CNEP1R1: variants seen among roughly 807,000 people sequenced by gnomAD.
The protein encoded by CNEP1R1 is nuclear envelope phosphatase-regulatory subunit 1.
A neutral mutation model predicts 22.7 loss-of-function variants in CNEP1R1; 10 were observed. That is an observed-to-expected ratio of 0.44 (90% CI 0.27 to 0.75). The LOEUF (loss-of-function observed/expected upper bound fraction) is 0.75. Ranked by LOEUF, CNEP1R1 falls within the 30% of genes least tolerant of loss-of-function variation. The pLI is 0.17. For missense variants in CNEP1R1, 73 were observed against 151.5 expected (o/e 0.48, Z 2.72); for synonymous variants, 53 against 50.1 (o/e 1.06, Z -0.25).
chr16:50,035,901 T>C lies in CNEP1R1; in HGVS notation c.*443T>C, dbSNP rs1370015627. The stretch of plus-strand genomic sequence containing the variant: ...TCTGCTTGCCATCCCCACAGCTCTT[T>C]AAAACTGGCTATTATGTGTGCCTTT... On this transcript the variant is annotated 3_prime_UTR_variant, in exon 6 of 6. Coordinates refer to ENST00000427478, the MANE Select transcript of CNEP1R1 (RefSeq NM_001281789.2). 1.3e-5 allele frequency: 2 copies of C among 157,112 alleles called. No homozygotes were observed. Among genetic ancestry groups the C allele is most frequent in the African/African-American group, 4.8e-5 (2 of 41,538 alleles). 9.7% of individuals were successfully genotyped at this position (157,112 alleles called of 1,614,324 possible).
intron 1 of CNEP1R1, 196 bp from the exon 2 acceptor site, chr16:50,026,200 C>T (rs1485988306): frequency 6.3e-6 from 3 of 473,256 alleles, no homozygotes; most frequent in East Asian, 6.1e-5. Flanking sequence ...ATTAAAGAGC[C>T]CTAATTTTTT....
chr16:50,029,871 A>G, intron 3 of CNEP1R1, 73 bp downstream of exon 3: 2 of 868,980 alleles, frequency 2.3e-6, no homozygotes, highest in South Asian at 1.4e-5. Flanking sequence ...TGTTAATGAT[A>G]AAGTATTCAA....
chr16:50,035,545 G>A lies in CNEP1R1; in HGVS notation c.*87G>A, dbSNP rs1275267578. On this transcript the variant is annotated 3_prime_UTR_variant, in exon 6 of 6. Transcript: ENST00000427478. ...AAAGCCATAAAGGATTCCTTTTGCGGTTGGATATGTAAAGGTCATAGCAGC... is the reference window on the plus strand; with the variant it reads ...AAAGCCATAAAGGATTCCTTTTGCGATTGGATATGTAAAGGTCATAGCAGC... 3 of 992,272 alleles carry A rather than the reference G, an allele frequency of 3.0e-6. No homozygotes were observed. Among genetic ancestry groups the A allele is most frequent in the Admixed American group, 2.2e-5 (1 of 44,592 alleles). The allele number at this position is 992,272 out of a possible 1,614,324, so 61.5% of individuals were successfully genotyped here.
At chr16:50,029,486 C>T (rs2036213991) in intron 2 of CNEP1R1, among the ~76,000 whole-genome samples, 1 of 152,164 alleles carries the variant, frequency 6.6e-6, no homozygotes, top group Non-Finnish European at 1.5e-5. Flanking sequence ...TTTCATTGAT[C>T]ATCATAAGTT....
At chr16:50,025,765 C>G in intron 1 of CNEP1R1, 1 of 1,402,496 alleles carries the variant, frequency 7.1e-7, no homozygotes, top group Non-Finnish European at 1.0e-6. Flanking sequence ...GATACCCCAC[C>G]ACTCACTCGG....
chr16:50,031,294 C>T (rs962390054), intron 3 of CNEP1R1, among the ~76,000 whole-genome samples: 3 of 152,208 alleles, frequency 2.0e-5, no homozygotes, highest in Admixed American at 1.3e-4. Flanking sequence ...GTCTCCCTAA[C>T]TTTATCTGCT....
chr16:50,031,363 T>A (rs944873178), intron 3 of CNEP1R1, among the ~76,000 whole-genome samples: 1 of 152,198 alleles, frequency 6.6e-6, no homozygotes, highest in Non-Finnish European at 1.5e-5. Flanking sequence ...GAATTTTATG[T>A]TAATAGAGGA....
At chr16:50,025,658 A>G in intron 1 of CNEP1R1, 1 of 1,613,868 alleles carries the variant, frequency 6.2e-7, no homozygotes, top group Non-Finnish European at 8.5e-7. Context: ...CAGCCCCGCG[A>G]GTTGTATCCC....
intron 2 of CNEP1R1, among the ~76,000 whole-genome samples, chr16:50,028,428 T>C (rs2036205069): frequency 6.6e-6 from 1 of 152,228 alleles, no homozygotes; most frequent in Admixed American, 6.5e-5. Context: ...AAGATTTTTT[T>C]GTATAATTTT....
At chr16:50,035,334 A>G (rs988440142) in intron 5 of CNEP1R1, 83 bp from the exon 6 acceptor site, 19 of 778,856 alleles carry the variant, frequency 2.4e-5, no homozygotes, top group African/African-American at 1.0e-4. Flanking sequence ...TTCCTTGCAC[A>G]TACCCTTTAA....
intron 3 of CNEP1R1, 113 bp downstream of exon 3, chr16:50,029,911 T>C (rs1198886022): frequency 1.0e-5 from 6 of 588,554 alleles, no homozygotes; most frequent in Admixed American, 6.8e-5. Flanking sequence ...ACTAGTGATA[T>C]TGTCATATTA....
chr16:50,030,448 A>T (rs2036221734), intron 3 of CNEP1R1, among the ~76,000 whole-genome samples: 1 of 152,174 alleles, frequency 6.6e-6, no homozygotes, highest in Non-Finnish European at 1.5e-5. Flanking sequence ...AAAAAGAGGG[A>T]GAGAAAAAAA....
intron 3 of CNEP1R1, among the ~76,000 whole-genome samples, chr16:50,031,374 T>C (rs2036230013): frequency 6.6e-6 from 1 of 152,024 alleles, no homozygotes; most frequent in Non-Finnish European, 1.5e-5. Context: ...TAATAGAGGA[T>C]TTTTATGGCA....
Position 50,026,425 on chromosome 16 carries a change from G to T in CNEP1R1, c.55G>T (p.Glu19Ter). The T allele has an allele frequency of 6.2e-7, 1 of 1,610,548 alleles. No homozygotes were observed. Among genetic ancestry groups the T allele is most frequent in the Non-Finnish European group, 8.5e-7 (1 of 1,178,246 alleles). ...CAAGGCTTTTGAGAGGAGACTTACT[G>T]AATATATTCATTGTTTGCAACCTGC... ...DLKAFERRLT[E>*]YIHCLQPATG... The change falls in exon 2 of 6, where the codon GAA becomes TAA. Residue 19 changes from glutamate (E) to a stop codon, truncating the protein, a stop_gained. Transcript: ENST00000427478. LOFTEE classifies it high-confidence loss of function.
At chr16:50,026,533 G>A (rs2036185185) in intron 2 of CNEP1R1, 66 bp downstream of exon 2, 1 of 1,185,324 alleles carries the variant, frequency 8.4e-7, no homozygotes, top group Non-Finnish European at 1.2e-6. Flanking sequence ...ATATAGGAAT[G>A]ATTTGCTTTT....
rs186438730 is a variant in CNEP1R1, at chr16:50,028,081, C to A, written c.97+1614C>A. Among the ~76,000 whole-genome samples, 43 of 152,308 alleles carry A rather than the reference C, an allele frequency of 2.8e-4. 1 individual carries two copies. The highest frequency in any genetic ancestry group is 2.2e-4 in the Non-Finnish European group (15 of 68,028). Reference sequence around the variant, plus strand: ...CAAGTGATTCTCCTGCCTCATCCTCCCTAGTAGCTGAGATTACAGGTGCCC... The same window carrying A: ...CAAGTGATTCTCCTGCCTCATCCTCACTAGTAGCTGAGATTACAGGTGCCC... On this transcript the variant is annotated intron_variant, in intron 2 of 5. Coordinates refer to ENST00000427478, the MANE Select transcript of CNEP1R1 (RefSeq NM_001281789.2).
Position 50,036,723 on chromosome 16 carries a change from CTTAAAA to C in CNEP1R1, c.*1271_*1276del, listed in dbSNP as rs1484223434. ...AATAGCCGCATGTACTATAATAGCC[CTTAAAA>C]TTAAACTATTGGGATTGCTGTAAAT... On this transcript the variant is annotated 3_prime_UTR_variant, in exon 6 of 6. Transcript: ENST00000427478. The C allele has an allele frequency of 6.6e-6, 1 of 152,564 alleles. No homozygotes were observed. Among genetic ancestry groups the C allele is most frequent in the African/African-American group, 2.4e-5 (1 of 41,430 alleles). The allele number at this position is 152,564 out of a possible 1,614,324, so 9.5% of individuals were successfully genotyped here.
Position 50,035,482 on chromosome 16 carries a change from A to C in CNEP1R1, c.*24A>C, listed in dbSNP as rs562539278. On this transcript the variant is annotated 3_prime_UTR_variant, in exon 6 of 6. Transcript: ENST00000427478. Reference sequence around the variant, plus strand: ...GACAATCTTCACTCATTGTTATGGGACTTAAAATAGCCTTTCTTCGAATAA... The same window carrying C: ...GACAATCTTCACTCATTGTTATGGGCCTTAAAATAGCCTTTCTTCGAATAA... 6.5e-7 allele frequency: 1 copy of C among 1,543,444 alleles called. No homozygotes were observed. Among genetic ancestry groups the C allele is most frequent in the East Asian group, 2.3e-5 (1 of 43,916 alleles).
chr16:50,036,133 A>ATTTTCTTT lies in CNEP1R1; in HGVS notation c.*680_*687dup, dbSNP rs2036275155. The stretch of plus-strand genomic sequence containing the variant: ...AAATATCCTTTATATTGCTTTAATA[A>ATTTTCTTT]TTTTCTTTTTTTTTTTTTTTTTTTT... On this transcript the variant is annotated 3_prime_UTR_variant, in exon 6 of 6. Transcript: ENST00000427478. 7.2e-6 allele frequency: 1 copy of ATTTTCTTT among 139,326 alleles called. No individual in the cohort carries two copies. The allele number at this position is 139,326 out of a possible 1,614,324, so 8.6% of individuals were successfully genotyped here.
Sources: gnomAD v4.1 joint callset for allele counts (sites outside exome capture counted in the v4.1 genomes callset) on GRCh38, gnomAD v4.1.1 for gene constraint, MANE v1.5 for transcripts, NCBI Gene and HGNC (gene_info 2026-07-23, HGNC 2026-07-21) for gene names.